The following WWOX variants were observed in gnomAD, a reference collection of about 807,000 sequenced individuals.
The protein encoded by WWOX is WW domain containing oxidoreductase.
In WWOX, 69 loss-of-function variants were observed where a neutral mutation model predicts 46.2. The ratio of observed to expected loss-of-function variants is 1.49; its 90% CI spans 1.23 to 1.82. The LOEUF (loss-of-function observed/expected upper bound fraction) is 1.82, where lower values mean the gene tolerates loss of function less well. WWOX is among the 40% of genes most tolerant of loss of function. The probability of loss-of-function intolerance (pLI) is 0.00; values close to 1 mark genes in which losing one functional copy is unlikely to be tolerated. For synonymous variants in WWOX, 359 were observed against 202.6 expected, an observed-to-expected ratio of 1.77 and a Z score of -6.56; for missense variants, 919 against 542.6, an observed-to-expected ratio of 1.69 and a Z score of -6.89.
intron 5 of WWOX, among the ~76,000 whole-genome samples, chr16:78,244,978 T>G (rs1168117796): frequency 2.0e-5 from 3 of 152,252 alleles, no homozygotes; most frequent in African/African-American, 4.8e-5. Context: ...GCACATATTC[T>G]TACAGTAGTT....
chr16:78,747,292 A>C (rs1386470021), intron 8 of WWOX, among the ~76,000 whole-genome samples: 1 of 151,570 alleles, frequency 6.6e-6, no homozygotes, highest in Non-Finnish European at 1.5e-5. Flanking sequence ...CCCGGGTTCA[A>C]GCAATTCTCT....
At chr16:78,634,788 G>A (rs1306382219) in intron 8 of WWOX, among the ~76,000 whole-genome samples, 1 of 149,158 alleles carries the variant, frequency 6.7e-6, no homozygotes. Flanking sequence ...AGGGCCAATA[G>A]TTTAGAGGCT....
intron 8 of WWOX, among the ~76,000 whole-genome samples, chr16:78,584,891 G>A (rs2045156208): frequency 6.6e-6 from 1 of 152,226 alleles, no homozygotes; most frequent in Non-Finnish European, 1.5e-5. Context: ...ACATTTGAGA[G>A]AATTTCCCAT....
At chr16:78,923,230 C>G (rs758559544) in intron 8 of WWOX, among the ~76,000 whole-genome samples, 3 of 152,154 alleles carry the variant, frequency 2.0e-5, no homozygotes, top group African/African-American at 4.8e-5. Flanking sequence ...ATCTGCGTAA[C>G]TCGGCCTCCC....
At chr16:79,133,381 TG>T (rs766594525) in intron 8 of WWOX, among the ~76,000 whole-genome samples, 1 of 152,154 alleles carries the variant, frequency 6.6e-6, no homozygotes, top group Non-Finnish European at 1.5e-5. Context: ...GTTCCTTAAA[TG>T]GGAGCAAAGA....
At chr16:78,914,036 A>G (rs1472889564) in intron 8 of WWOX, among the ~76,000 whole-genome samples, 4 of 152,072 alleles carry the variant, frequency 2.6e-5, no homozygotes, top group African/African-American at 9.7e-5. Context: ...ATCATCAGAG[A>G]TGAAAATGAG....
At chr16:78,661,519 T>G (rs764341416) in intron 8 of WWOX, among the ~76,000 whole-genome samples, 1 of 152,176 alleles carries the variant, frequency 6.6e-6, no homozygotes, top group Non-Finnish European at 1.5e-5. Context: ...ATTAAACATT[T>G]ATGATTTAGC....
At chr16:78,960,480 C>T (rs113588565) in intron 8 of WWOX, among the ~76,000 whole-genome samples, 2,005 of 152,290 alleles carry the variant, frequency 0.013, 41 homozygotes, top group African/African-American at 0.046. Flanking sequence ...TTTGCTTTAG[C>T]TTAAATCTAC....
intron 8 of WWOX, among the ~76,000 whole-genome samples, chr16:79,085,761 A>T (rs1226182910): frequency 6.6e-6 from 1 of 152,190 alleles, no homozygotes; most frequent in Non-Finnish European, 1.5e-5. Context: ...AAATGTAGTC[A>T]GTAGCCAGGC....
intron 8 of WWOX, among the ~76,000 whole-genome samples, chr16:79,163,922 G>A (rs1201986653): frequency 1.3e-5 from 2 of 148,498 alleles, no homozygotes; most frequent in African/African-American, 2.5e-5. Context: ...TGTATCTGTC[G>A]AGTTGCTTCT....
chr16:78,527,491 G>A (rs570557247), intron 8 of WWOX, among the ~76,000 whole-genome samples: 6 of 151,946 alleles, frequency 3.9e-5, no homozygotes, highest in East Asian at 3.9e-4. Context: ...GTGGAGTTTC[G>A]CCATGTTGGC....
At chr16:78,199,895 T>C (rs1032735685) in intron 5 of WWOX, among the ~76,000 whole-genome samples, 6 of 152,104 alleles carry the variant, frequency 3.9e-5, no homozygotes, top group Non-Finnish European at 7.4e-5. Flanking sequence ...GATGGAGTGA[T>C]CAATGGTATG....
chr16:78,760,573 T>G (rs1295898903), intron 8 of WWOX, among the ~76,000 whole-genome samples: 2 of 152,162 alleles, frequency 1.3e-5, no homozygotes, highest in Non-Finnish European at 2.9e-5. Flanking sequence ...ATGCCCACAA[T>G]GCACTTGGGG....
intron 5 of WWOX, among the ~76,000 whole-genome samples, chr16:78,303,841 G>A (rs751424502): frequency 2.0e-5 from 3 of 152,090 alleles, no homozygotes; most frequent in Non-Finnish European, 2.9e-5. Flanking sequence ...CACCGTGCCC[G>A]GCCAGACCCG....
chr16:79,119,746 G>A (rs2049589887), intron 8 of WWOX, among the ~76,000 whole-genome samples: 1 of 152,170 alleles, frequency 6.6e-6, no homozygotes, highest in Non-Finnish European at 1.5e-5. Flanking sequence ...AATCATGATG[G>A]CAGTGGCTGG....
chr16:78,319,277 T>C lies in WWOX; in HGVS notation c.517-67583T>C, dbSNP rs189027194. ...CAGAAGGGAACACACCTTGCTGATGTCGTTTTACTATTTTCTTATTTATTT... is the reference window on the plus strand; with the variant it reads ...CAGAAGGGAACACACCTTGCTGATGCCGTTTTACTATTTTCTTATTTATTT... On this transcript the variant is annotated intron_variant, in intron 5 of 8. Coordinates refer to ENST00000566780, the MANE Select transcript of WWOX (RefSeq NM_016373.4). Among the ~76,000 whole-genome samples the C allele has an allele frequency of 8.9e-4, 134 of 150,360 alleles. 1 individual carries two copies. The highest frequency in any genetic ancestry group is 3.2e-3 in the African/African-American group (132 of 41,100).
rs113250673 is a variant in WWOX at position 79,188,017 on chromosome 16, A to G, written c.1057-23591A>G. On this transcript the variant is annotated intron_variant, in intron 8 of 8. Transcript: ENST00000566780. The stretch of plus-strand genomic sequence containing the variant: ...CACGGGGAGTCAAGCTGTGCTCTTC[A>G]AACACAAATTCCTTCTCCCACTTCC... Among the ~76,000 whole-genome samples, 469 of 152,336 alleles carry G rather than the reference A, an allele frequency of 3.1e-3. 3 individuals carry two copies. Among genetic ancestry groups the G allele is most frequent in the Middle Eastern group, 0.014 (4 of 294 alleles).
At chr16:78,628,221 G>T (rs866406986) in intron 8 of WWOX, among the ~76,000 whole-genome samples, 2 of 152,156 alleles carry the variant, frequency 1.3e-5, no homozygotes, top group Non-Finnish European at 2.9e-5. Flanking sequence ...TTGAGTGGAC[G>T]GTTTGGCCAA....
chr16:78,387,926 G>C (rs2082094136), intron 6 of WWOX, among the ~76,000 whole-genome samples: 1 of 152,000 alleles, frequency 6.6e-6, no homozygotes, highest in African/African-American at 2.4e-5. Flanking sequence ...TTTGGGTTAG[G>C]CTCTGTTGGG....
Sources: gnomAD v4.1 joint callset for allele counts (sites outside exome capture counted in the v4.1 genomes callset) on GRCh38, gnomAD v4.1.1 for gene constraint, MANE v1.5 for transcripts, NCBI Gene and HGNC (gene_info 2026-07-23, HGNC 2026-07-21) for gene names.